GRIK4: variants seen among roughly 807,000 people sequenced by gnomAD.
GRIK4 encodes glutamate receptor ionotropic, kainate 4.
In GRIK4, 40 loss-of-function variants were observed where a neutral mutation model predicts 104.9. That is an observed-to-expected ratio of 0.38 (90% confidence interval 0.30 to 0.50). The LOEUF is 0.50. Ranked by LOEUF, GRIK4 falls within the 20% of genes least tolerant of loss-of-function variation. The probability of loss-of-function intolerance (pLI) is 0.93; values close to 1 mark genes in which losing one functional copy is unlikely to be tolerated. For missense variants in GRIK4, 1,047 were observed against 1,308.1 expected (o/e 0.80, Z 3.08); for synonymous variants, 485 against 524.9 (o/e 0.92, Z 1.04).
intron 4 of GRIK4, among the ~76,000 whole-genome samples, chr11:120,809,966 G>T (rs1398592737): frequency 1.3e-5 from 2 of 152,238 alleles, no homozygotes; most frequent in Non-Finnish European, 2.9e-5. Context: ...TCAGGAGGCT[G>T]AGGCAGGAGG....
intron 13 of GRIK4, among the ~76,000 whole-genome samples, chr11:120,917,247 C>CAAAAAAAAAAAAAAAAA (rs199620498): frequency 5.7e-5 from 2 of 34,794 alleles, no homozygotes; most frequent in African/African-American, 1.1e-4. Context: ...AACTCCGTCT[C>CAAAAAAAAAAAAAAAAA]AAAAAAAAAA....
At chr11:120,968,221 G>T (rs1256944148) in intron 19 of GRIK4, among the ~76,000 whole-genome samples, 1 of 152,156 alleles carries the variant, frequency 6.6e-6, no homozygotes, top group Non-Finnish European at 1.5e-5. Context: ...TTCTGTAGGG[G>T]AACACTTACC....
At chr11:120,512,243 C>T (rs1947670561) in intron 1 of GRIK4, among the ~76,000 whole-genome samples, 1 of 151,950 alleles carries the variant, frequency 6.6e-6, no homozygotes, top group Non-Finnish European at 1.5e-5. Context: ...TCCTCCCCCT[C>T]CCCGTGCAAC....
intron 3 of GRIK4, among the ~76,000 whole-genome samples, chr11:120,798,141 G>GTGAGCTCT (rs1331711783): frequency 6.9e-6 from 1 of 144,710 alleles, no homozygotes; most frequent in Non-Finnish European, 1.5e-5. Flanking sequence ...GAAAAAGAGA[G>GTGAGCTCT]TGAGCTCTGC....
chr11:120,808,508 G>A (rs138730180), intron 4 of GRIK4, among the ~76,000 whole-genome samples: 6 of 152,276 alleles, frequency 3.9e-5, no homozygotes, highest in African/African-American at 9.6e-5. Context: ...TGCGTGATAC[G>A]CTGTTGGTGA....
rs76316201 is a variant in GRIK4, at chr11:120,938,246, C to G, written c.1477-2101C>G. ...GCCCAAGCAACTGTCTAAAGAGTCC[C>G]CCAAATGAAGGCACTAACAATCCTC... On this transcript the variant is annotated intron_variant, in intron 13 of 20. Coordinates refer to ENST00000527524, the MANE Select transcript of GRIK4 (RefSeq NM_014619.5). Among the ~76,000 whole-genome samples the G allele has an allele frequency of 9.8e-3, 1,499 of 152,266 alleles. 21 individuals carry two copies. The highest frequency in any genetic ancestry group is 0.034 in the African/African-American group (1,396 of 41,536).
At chr11:120,852,732 CA>C (rs1483628953) in intron 8 of GRIK4, among the ~76,000 whole-genome samples, 1 of 152,216 alleles carries the variant, frequency 6.6e-6, no homozygotes, top group Non-Finnish European at 1.5e-5. Flanking sequence ...GATAAATAGA[CA>C]GACGGGTACC....
At chr11:120,733,553 T>G (rs1458808634) in intron 3 of GRIK4, among the ~76,000 whole-genome samples, 1 of 144,768 alleles carries the variant, frequency 6.9e-6, no homozygotes, top group Non-Finnish European at 1.5e-5. Context: ...ACTCATTATT[T>G]TAAATTGATG....
chr11:120,514,626 C>T (rs914510807), intron 1 of GRIK4, among the ~76,000 whole-genome samples: 2 of 152,176 alleles, frequency 1.3e-5, no homozygotes, highest in Non-Finnish European at 1.5e-5. Flanking sequence ...TCTGTAGTCT[C>T]CTCAGCCTTA....
chr11:120,613,527 C>G (rs1949064218), intron 1 of GRIK4, among the ~76,000 whole-genome samples: 3 of 152,182 alleles, frequency 2.0e-5, no homozygotes, highest in African/African-American at 7.2e-5. Flanking sequence ...ACCAGGAATG[C>G]AGGGCAGCAC....
intron 3 of GRIK4, among the ~76,000 whole-genome samples, chr11:120,706,216 A>T (rs1361033214): frequency 6.6e-6 from 1 of 152,164 alleles, no homozygotes; most frequent in African/African-American, 2.4e-5. Flanking sequence ...GGGTTCTAGG[A>T]CTGACCCTGA....
Position 120,874,193 on chromosome 11 carries a change from C to T in GRIK4, c.1034C>T (p.Thr345Ile), listed in dbSNP as rs1267915103. The change falls in exon 10 of 21, where the codon ACC (threonine) becomes ATC (isoleucine). Residue 345 changes from threonine to isoleucine, a missense_variant. Transcript: ENST00000527524. Reference sequence around the variant, plus strand: ...TCGGCCCAGATCTGGCAGCACGGCACCAGCCTCATGAACTACCTGCGCATG... The same window carrying T: ...TCGGCCCAGATCTGGCAGCACGGCATCAGCCTCATGAACTACCTGCGCATG... Reference protein sequence around the residue: ...CGSAQIWQHGTSLMNYLRMVE... With the variant: ...CGSAQIWQHGISLMNYLRMVE... The T allele has an allele frequency of 2.5e-6, 4 of 1,612,878 alleles. No homozygotes were observed. The highest frequency in any genetic ancestry group is 3.4e-6 in the Non-Finnish European group (4 of 1,179,806).
intron 3 of GRIK4, among the ~76,000 whole-genome samples, chr11:120,733,148 G>A (rs3132777): frequency 0.39 from 58,995 of 151,948 alleles, 12,415 homozygotes; most frequent in African/African-American, 0.54. Context: ...TCTAATATAT[G>A]TATAGCTACT....
chr11:120,539,723 A>G (rs928019173), intron 1 of GRIK4, among the ~76,000 whole-genome samples: 11 of 152,190 alleles, frequency 7.2e-5, no homozygotes, highest in African/African-American at 1.9e-4. Flanking sequence ...AGAGTCACCA[A>G]ACACACAAGC....
intron 1 of GRIK4, among the ~76,000 whole-genome samples, chr11:120,623,923 G>A (rs908155864): frequency 2.0e-5 from 3 of 151,004 alleles, no homozygotes; most frequent in East Asian, 2.0e-4. Flanking sequence ...GGCCCTCCCC[G>A]TTCCTCCTCC....
chr11:120,846,765 C>T (rs958996058), intron 8 of GRIK4, among the ~76,000 whole-genome samples: 1 of 152,190 alleles, frequency 6.6e-6, no homozygotes, highest in Non-Finnish European at 1.5e-5. Context: ...CTCCAAAGAC[C>T]TTTCAACTCT....
intron 3 of GRIK4, among the ~76,000 whole-genome samples, chr11:120,746,719 G>T (rs187703118): frequency 6.6e-5 from 10 of 152,306 alleles, no homozygotes; most frequent in Admixed American, 6.5e-4. Context: ...GCAAGCATTG[G>T]ATGGCAATGT....
At chr11:120,973,078 C>T (rs1343250689) in intron 19 of GRIK4, among the ~76,000 whole-genome samples, 4 of 152,118 alleles carry the variant, frequency 2.6e-5, no homozygotes, top group Non-Finnish European at 5.9e-5. Context: ...ATGGAGAAGA[C>T]ACTGGATTTA....
At chr11:120,520,871 A>G (rs1947790188) in intron 1 of GRIK4, among the ~76,000 whole-genome samples, 1 of 152,188 alleles carries the variant, frequency 6.6e-6, no homozygotes, top group South Asian at 2.1e-4. Flanking sequence ...CAACAGAACA[A>G]GGTCCCTAGC....
Sources: gnomAD v4.1 joint callset for allele counts (sites outside exome capture counted in the v4.1 genomes callset) on GRCh38, gnomAD v4.1.1 for gene constraint, MANE v1.5 for transcripts, NCBI Gene and HGNC (gene_info 2026-07-23, HGNC 2026-07-21) for gene names.